SRPRA: variants seen among roughly 807,000 people sequenced by gnomAD.
SRPRA encodes SRP receptor subunit alpha, also known as signal recognition particle receptor subunit alpha.
Under a neutral mutation model 61.1 loss-of-function variants are expected in SRPRA, and 30 were observed. The ratio of observed to expected loss-of-function variants is 0.49; its 90% CI spans 0.37 to 0.67. SRPRA has a LOEUF of 0.67. Ranked by LOEUF, SRPRA falls within the 30% of genes least tolerant of loss-of-function variation. The probability of loss-of-function intolerance (pLI) is 0.00; values close to 1 mark genes in which losing one functional copy is unlikely to be tolerated. For synonymous variants in SRPRA, 324 were observed against 299.7 expected (o/e 1.08, Z -0.84); for missense variants, 759 against 828.4 (o/e 0.92, Z 1.03).
the SRPRA span, among the ~76,000 whole-genome samples, chr11:126,254,662 T>G: frequency 6.6e-6 from 1 of 152,170 alleles, no homozygotes; most frequent in Non-Finnish European, 1.5e-5. Context: ...GCGAGACTCT[T>G]GTCTTTACAA....
chr11:126,241,139 TG>T, the SRPRA span: 9 of 1,277,770 alleles, frequency 7.0e-6, no homozygotes, highest in Non-Finnish European at 9.7e-6. Flanking sequence ...GCATGCCAAA[TG>T]TAACAGGGAT....
In SRPRA at chr11:126,263,112, G is replaced by GAGGAAAAGCCAGGACTGCTT. The variant is rs1950736910; in HGVS notation, c.*784_*803dup. 1 of 152,598 alleles carries GAGGAAAAGCCAGGACTGCTT rather than the reference G, an allele frequency of 6.6e-6. No homozygotes were observed. The allele number at this position is 152,598 out of a possible 1,614,324, so 9.5% of individuals were successfully genotyped here. A position where few individuals can be genotyped will look rare whatever the true frequency, so the allele number is the denominator to read the frequency against. ...ACCAGGCACTGTAGAGGGGAGTGAT[G>GAGGAAAAGCCAGGACTGCTT]AGGAAAAGCCAGGACTGCTTAGGAG... On this transcript the variant is annotated 3_prime_UTR_variant, in exon 14 of 14. Transcript: ENST00000332118.
At chr11:126,248,804 G>T in the SRPRA span, among the ~76,000 whole-genome samples, 2 of 152,288 alleles carry the variant, frequency 1.3e-5, no homozygotes, top group East Asian at 3.9e-4. Context: ...ACACAGTTCC[G>T]TTGGGGTTAA....
chr11:126,264,637 T>C lies in SRPRA; in HGVS notation c.1526-98A>G. On this transcript the variant is annotated intron_variant, in intron 11 of 13. Transcript: ENST00000332118. This position sits in a 1 kb window ranked among gnomAD's most constrained non-coding sequence, Gnocchi z 5.0. The stretch of plus-strand genomic sequence containing the variant: ...AGTCCTAGTTTGACTACCTGTTCAC[T>C]GTCTTGGGCTCTGGATTTGGTTCCA... 2.1e-6 allele frequency: 3 copies of C among 1,395,816 alleles called. No individual in the cohort carries two copies. Among genetic ancestry groups the C allele is most frequent in the Non-Finnish European group, 2.9e-6 (3 of 1,031,984 alleles). The allele number at this position is 1,395,816 out of a possible 1,614,324, so 86.5% of individuals were successfully genotyped here.
At chr11:126,252,286 A>G in the SRPRA span, among the ~76,000 whole-genome samples, 1 of 152,042 alleles carries the variant, frequency 6.6e-6, no homozygotes, top group African/African-American at 2.4e-5. The surrounding 1 kb of genome is among the most constrained non-coding windows in gnomAD (Gnocchi z 4.7). Flanking sequence ...CACACCCAGC[A>G]CAGTTTTTAT....
In SRPRA at chr11:126,266,214, C is replaced by T; in HGVS notation, c.905G>A (p.Gly302Glu). ...AGGTTTGGTAGAGTTTTGAGCAGCC[C>T]CTTCGTCATCAGAGCTGCTGCAGTC... ...DLDCSSSDDE[G>E]AAQNSTKPSA... The change falls in exon 7 of 14, where the codon GGG becomes GAG. Residue 302 changes from glycine (G) to glutamate (E), a missense_variant. Around this residue, in one of 2 missense-constraint regions of SRPRA, gnomAD observed 475 missense variants for 462.5 expected, o/e 1.03. Transcript: ENST00000332118. 1 of 1,614,182 alleles carries T rather than the reference C, an allele frequency of 6.2e-7. No homozygotes were observed. Among genetic ancestry groups the T allele is most frequent in the Non-Finnish European group, 8.5e-7 (1 of 1,180,040 alleles).
chr11:126,241,764 G>A, the SRPRA span, among the ~76,000 whole-genome samples: 20 of 152,002 alleles, frequency 1.3e-4, no homozygotes, highest in Non-Finnish European at 2.5e-4. Flanking sequence ...TGGTCAAGCT[G>A]GTCTCGAACT....
chr11:126,256,825 T>G, the SRPRA span: 1 of 1,611,992 alleles, frequency 6.2e-7, no homozygotes, highest in African/African-American at 1.3e-5. This position sits in a 1 kb window ranked among gnomAD's most constrained non-coding sequence, Gnocchi z 6.6. Flanking sequence ...GCGACTGACA[T>G]GTGAGATCTC....
At chr11:126,237,368 GCTCTA>G in the SRPRA span, among the ~76,000 whole-genome samples, 1 of 149,284 alleles carries the variant, frequency 6.7e-6, no homozygotes, top group Non-Finnish European at 1.5e-5. Flanking sequence ...TTACAAACGT[GCTCTA>G]CCACACCTGG....
In SRPRA at chr11:126,267,037, A is replaced by T; in HGVS notation, c.527-115T>A. ...ATTTGGACCAAACATCTTGGAGTTC[A>T]TAAGGCCTGGGGATTATAGGATGGT... On this transcript the variant is annotated intron_variant, in intron 4 of 13. Coordinates refer to ENST00000332118, the MANE Select transcript of SRPRA (RefSeq NM_003139.4). This position sits in a 1 kb window ranked among gnomAD's most constrained non-coding sequence, Gnocchi z 4.2. The T allele has an allele frequency of 6.6e-7, 1 of 1,526,638 alleles. No homozygotes were observed. The highest frequency in any genetic ancestry group is 8.8e-7 in the Non-Finnish European group (1 of 1,135,178). 94.6% of individuals were successfully genotyped at this position (1,526,638 alleles called of 1,614,324 possible).
chr11:126,266,909 A>T lies in SRPRA; in HGVS notation c.540T>A (p.Pro180=), dbSNP rs1950820615. ...KGAKKEGSDG[P]LATSKPVPAE... The stretch of plus-strand genomic sequence containing the variant: ...CAGGGACTGGTTTGCTGGTAGCCAA[A>T]GGACCATCAGAACCTGTTGGGGAAA... The change falls in exon 5 of 14, where the codon CCT becomes CCA. Residue 180 remains proline, a synonymous_variant. Coordinates refer to ENST00000332118, the MANE Select transcript of SRPRA (RefSeq NM_003139.4). 6.2e-7 allele frequency: 1 copy of T among 1,613,896 alleles called. No homozygotes were observed. The highest frequency in any genetic ancestry group is 1.3e-5 in the African/African-American group (1 of 74,936).
At chr11:126,242,024 CAAAAAA>C in the SRPRA span, among the ~76,000 whole-genome samples, 1 of 88,416 alleles carries the variant, frequency 1.1e-5, no homozygotes. Context: ...GACTCCGTCT[CAAAAAA>C]AAAAAAAAAA....
Position 126,266,093 on chromosome 11 carries a change from G to GGA in SRPRA, c.933-14_933-13dup. ...TTCCCTTGGTCGCACTGCAGGGACA[G>GGA]GAGATTACACATACACATAAAACCA... is the stretch of plus-strand genomic sequence containing the variant. On this transcript the variant is annotated splice_polypyrimidine_tract_variant and intron_variant, in intron 7 of 13. Transcript: ENST00000332118. 6.2e-7 allele frequency: 1 copy of GGA among 1,613,782 alleles called. No individual in the cohort carries two copies. The highest frequency in any genetic ancestry group is 8.5e-7 in the Non-Finnish European group (1 of 1,179,706).
chr11:126,266,342 A>G, intron 6 of SRPRA, 64 bp from the exon 7 acceptor site: 2 of 1,597,844 alleles, frequency 1.3e-6, no homozygotes, highest in Non-Finnish European at 1.7e-6. Context: ...AAACGTCCAC[A>G]TTGCTCTATC....
Position 126,265,365 on chromosome 11 carries a change from A to C in SRPRA, c.1214T>G (p.Met405Arg). 6.2e-7 allele frequency: 1 copy of C among 1,613,168 alleles called. No homozygotes were observed. Residue 405 changes from methionine (M) to arginine (R), a missense_variant, in exon 10 of 14, where the codon ATG becomes AGG. Coordinates refer to ENST00000332118, the MANE Select transcript of SRPRA (RefSeq NM_003139.4). The surrounding 1 kb of genome is among the most constrained non-coding windows in gnomAD (Gnocchi z 6.3). Reference protein sequence around the residue: ...QILQPQRRVDMLRDIMDAQRR... With the variant: ...QILQPQRRVDRLRDIMDAQRR... The stretch of plus-strand genomic sequence containing the variant: ...CTGGGCATCCATGATGTCCCGGAGC[A>C]TGTCTACACGACGCTGTGGCTGCAG...
chr11:126,256,806 A>G, the SRPRA span: 2 of 1,611,800 alleles, frequency 1.2e-6, no homozygotes, highest in South Asian at 1.1e-5. The surrounding 1 kb of genome is among the most constrained non-coding windows in gnomAD (Gnocchi z 6.6). Context: ...ATCTTCCAGA[A>G]TATTTCAAGC....
At chr11:126,262,020 G>A, downstream of SRPRA, 1 of 1,083,288 alleles carries the variant, frequency 9.2e-7, no homozygotes. Context: ...CTCCTGTCTT[G>A]CCTTCTGAAG....
chr11:126,264,814 A>T lies in SRPRA; in HGVS notation c.1525+145T>A. The T allele has an allele frequency of 1.2e-6, 1 of 857,342 alleles. No individual in the cohort carries two copies. The highest frequency in any genetic ancestry group is 1.8e-6 in the Non-Finnish European group (1 of 569,244). The allele number at this position is 857,342 out of a possible 1,614,324, so 53.1% of individuals were successfully genotyped here. ...AACTACATCTGTTATCCAAAAGCAG[A>T]GCATGGCAAGTAACTGATCTGACTT... On this transcript the variant is annotated intron_variant, in intron 11 of 13. Coordinates refer to ENST00000332118, the MANE Select transcript of SRPRA (RefSeq NM_003139.4). This position sits in a 1 kb window ranked among gnomAD's most constrained non-coding sequence, Gnocchi z 5.0.
chr11:126,263,927 T>C lies in SRPRA; in HGVS notation c.1906A>G (p.Met636Val), dbSNP rs1950754063. 2 of 1,614,006 alleles carry C rather than the reference T, an allele frequency of 1.2e-6. No individual in the cohort carries two copies. Among genetic ancestry groups the C allele is most frequent in the Non-Finnish European group, 1.7e-6 (2 of 1,180,026 alleles). ...LNAKAVVAAL[M>V]KA ...GGGCAAGAGCCACGTTAAGCCTTCA[T>C]GAGGGCAGCCACCACAGCCTTGGCA... is the stretch of plus-strand genomic sequence containing the variant. The change falls in exon 14 of 14, where the codon ATG becomes GTG. Residue 636 changes from methionine (M) to valine (V), a missense_variant. Physicochemically the swap from Met to Val is conservative, Grantham distance 21 (BLOSUM62 1). This residue lies in a region of SRPRA where 284 missense variants were observed against 365.9 expected (regional missense o/e 0.78). Coordinates refer to ENST00000332118, the MANE Select transcript of SRPRA (RefSeq NM_003139.4).
Sources: gnomAD v4.1 joint callset for allele counts (sites outside exome capture counted in the v4.1 genomes callset) on GRCh38, gnomAD v4.1.1 for gene constraint, gnomAD v4.1.1 regional missense constraint, Gnocchi (gnomAD v3.1) non-coding constraint, MANE v1.5 for transcripts, NCBI Gene and HGNC (gene_info 2026-07-23, HGNC 2026-07-21) for gene names.